NELL1: variants seen among roughly 807,000 people sequenced by gnomAD.
NELL1 encodes neural EGFL like 1.
NELL1 carries 76 observed loss-of-function variants against 107.4 expected under a neutral mutation model. The ratio of observed to expected loss-of-function variants is 0.71; its 90% CI spans 0.59 to 0.86. The LOEUF (loss-of-function observed/expected upper bound fraction) is 0.86, where lower values mean the gene tolerates loss of function less well. Ranked by LOEUF, NELL1 falls within the 40% of genes least tolerant of loss-of-function variation. The probability of loss-of-function intolerance (pLI) is 0.00; values close to 1 mark genes in which losing one functional copy is unlikely to be tolerated. For missense variants in NELL1, 1,024 were observed against 1,005.5 expected (o/e 1.02, Z -0.25); for synonymous variants, 353 against 341.2 (o/e 1.03, Z -0.38).
intron 14 of NELL1, among the ~76,000 whole-genome samples, chr11:21,338,679 C>T (rs1850491210): frequency 1.4e-5 from 2 of 141,338 alleles, no homozygotes; most frequent in African/African-American, 5.5e-5. Context: ...TTGTCTTGCA[C>T]GGAGGAAACA....
At chr11:20,706,197 GC>G (rs1464382702) in intron 2 of NELL1, among the ~76,000 whole-genome samples, 1 of 152,092 alleles carries the variant, frequency 6.6e-6, no homozygotes, top group African/African-American at 2.4e-5. Context: ...AAATCATGCT[GC>G]TATAAAGACA....
chr11:20,901,159 A>C (rs1027322053), intron 5 of NELL1, among the ~76,000 whole-genome samples: 6 of 152,078 alleles, frequency 3.9e-5, no homozygotes, highest in Non-Finnish European at 7.4e-5. Flanking sequence ...TAATTTAAAA[A>C]GTAGTTATTA....
At chr11:20,803,134 G>A (rs1329814718) in intron 3 of NELL1, among the ~76,000 whole-genome samples, 3 of 152,094 alleles carry the variant, frequency 2.0e-5, no homozygotes, top group African/African-American at 7.2e-5. Flanking sequence ...GTTTGAGTAG[G>A]ATTGGTATTA....
At chr11:21,096,026 G>C (rs757294997) in intron 12 of NELL1, among the ~76,000 whole-genome samples, 25 of 152,050 alleles carry the variant, frequency 1.6e-4, no homozygotes, top group Non-Finnish European at 2.9e-4. Context: ...GCAAGGGAAA[G>C]TCTTGCCCCC....
intron 14 of NELL1, among the ~76,000 whole-genome samples, chr11:21,330,947 C>T (rs538845012): frequency 5.3e-5 from 8 of 152,048 alleles, no homozygotes; most frequent in Admixed American, 2.0e-4. Context: ...AATCTTTATT[C>T]GTCTGTCTCC....
intron 12 of NELL1, among the ~76,000 whole-genome samples, chr11:21,018,990 C>T (rs573226889): frequency 2.6e-5 from 4 of 152,182 alleles, no homozygotes; most frequent in South Asian, 2.1e-4. Context: ...GGGAAGTTTT[C>T]GCCTATCTTT....
At chr11:20,877,350 G>A (rs1849323949) in intron 4 of NELL1, among the ~76,000 whole-genome samples, 1 of 152,166 alleles carries the variant, frequency 6.6e-6, no homozygotes, top group Non-Finnish European at 1.5e-5. Flanking sequence ...CATAATACAT[G>A]TCAATTCACA....
At chr11:21,416,853 T>C (rs930748704) in intron 15 of NELL1, among the ~76,000 whole-genome samples, 18 of 152,132 alleles carry the variant, frequency 1.2e-4, no homozygotes, top group African/African-American at 3.9e-4. Flanking sequence ...CAATATTTAG[T>C]TGAGTCAGGA....
At chr11:21,250,362 G>A (rs1299416529) in intron 14 of NELL1, among the ~76,000 whole-genome samples, 1 of 152,106 alleles carries the variant, frequency 6.6e-6, no homozygotes, top group Non-Finnish European at 1.5e-5. Flanking sequence ...TCCACTCGGG[G>A]GCCTTTCAGT....
chr11:20,761,661 A>G (rs762022874), intron 2 of NELL1, among the ~76,000 whole-genome samples: 1 of 152,244 alleles, frequency 6.6e-6, no homozygotes, highest in Non-Finnish European at 1.5e-5. Context: ...TAGCGAAGGA[A>G]TGACTTTAAA....
chr11:20,810,686 A>T (rs1307555018), intron 3 of NELL1, among the ~76,000 whole-genome samples: 2 of 152,148 alleles, frequency 1.3e-5, no homozygotes, highest in African/African-American at 4.8e-5. Flanking sequence ...ATGCATGTGC[A>T]AGTTTCTTTT....
intron 12 of NELL1, among the ~76,000 whole-genome samples, chr11:21,092,720 T>C (rs1854549698): frequency 6.6e-6 from 1 of 152,188 alleles, no homozygotes; most frequent in African/African-American, 2.4e-5. Context: ...ATGTGTGCAA[T>C]GTTATTACAT....
intron 2 of NELL1, among the ~76,000 whole-genome samples, chr11:20,680,791 T>C (rs1431590671): frequency 1.3e-5 from 2 of 152,146 alleles, no homozygotes; most frequent in African/African-American, 4.8e-5. Flanking sequence ...AATCAGCTTG[T>C]TTCCTGCCTG....
At chr11:20,710,167 G>T (rs986658480) in intron 2 of NELL1, among the ~76,000 whole-genome samples, 9 of 152,158 alleles carry the variant, frequency 5.9e-5, no homozygotes, top group Admixed American at 3.3e-4. Context: ...CTCCCATTCA[G>T]TATAATGTAG....
intron 13 of NELL1, among the ~76,000 whole-genome samples, chr11:21,156,220 A>G (rs1010245569): frequency 6.6e-5 from 10 of 152,172 alleles, no homozygotes; most frequent in African/African-American, 1.9e-4. Flanking sequence ...GAAGGAAGGA[A>G]ATTTTTTTTT....
At chr11:21,399,947 G>A (rs1193823119) in intron 15 of NELL1, among the ~76,000 whole-genome samples, 1 of 151,770 alleles carries the variant, frequency 6.6e-6, no homozygotes, top group Non-Finnish European at 1.5e-5. Context: ...TTTCCTCCTA[G>A]CTACTTTAAT....
chr11:21,018,936 A>G (rs1024985509), intron 12 of NELL1, among the ~76,000 whole-genome samples: 1 of 152,110 alleles, frequency 6.6e-6, no homozygotes, highest in South Asian at 2.1e-4. Context: ...ATGTTTGGAC[A>G]TCTCCCACTC....
intron 4 of NELL1, among the ~76,000 whole-genome samples, chr11:20,861,318 G>A (rs12278492): frequency 0.18 from 28,093 of 152,022 alleles, 3,207 homozygotes; most frequent in East Asian, 0.38. Context: ...TTCATTTAAC[G>A]GAATATCAGC....
intron 3 of NELL1, among the ~76,000 whole-genome samples, chr11:20,807,540 G>C (rs1231897425): frequency 1.3e-5 from 2 of 152,158 alleles, no homozygotes; most frequent in Non-Finnish European, 2.9e-5. Context: ...TACTATAACC[G>C]CTACCTGTCT....
Sources: allele counts gnomAD v4.1 joint callset (sites outside exome capture counted in the v4.1 genomes callset), GRCh38; gene constraint gnomAD v4.1.1; transcripts MANE v1.5; gene names NCBI Gene and HGNC (gene_info 2026-07-23, HGNC 2026-07-21).